MELTF: variants seen among roughly 807,000 people sequenced by gnomAD.
MELTF encodes the protein melanotransferrin.
A neutral mutation model predicts 83.7 loss-of-function variants in MELTF; 67 were observed. The observed-to-expected ratio is 0.80, with a 90% CI of 0.66 to 0.98. The LOEUF (loss-of-function observed/expected upper bound fraction) is 0.98, where lower values mean the gene tolerates loss of function less well. Ranked by LOEUF, MELTF falls within the 50% of genes least tolerant of loss-of-function variation. The pLI is 0.00. For missense variants in MELTF, 1,002 were observed against 1,035.6 expected, an observed-to-expected ratio of 0.97 and a Z score of 0.44; for synonymous variants, 462 against 447.6, an observed-to-expected ratio of 1.03 and a Z score of -0.41.
intron 6 of MELTF, 139 bp downstream of exon 6, chr3:197,021,265 C>T: frequency 1.4e-6 from 1 of 729,030 alleles, no homozygotes; most frequent in Non-Finnish European, 2.2e-6. Context: ...GACTGTGGGA[C>T]TTGTCCAAGG....
chr3:197,024,222 C>T lies in MELTF; in HGVS notation c.487+81G>A, dbSNP rs1719753339. 3 of 1,422,410 alleles carry T rather than the reference C, an allele frequency of 2.1e-6. No individual in the cohort carries two copies. Among genetic ancestry groups the T allele is most frequent in the Non-Finnish European group, 2.9e-6 (3 of 1,051,172 alleles). The allele number at this position is 1,422,410 out of a possible 1,614,324, so 88.1% of individuals were successfully genotyped here. A position where few individuals can be genotyped will look rare whatever the true frequency, so the allele number is the denominator to read the frequency against. On this transcript the variant is annotated intron_variant, in intron 4 of 15. Transcript: ENST00000296350. The surrounding 1 kb of genome is among the most constrained non-coding windows in gnomAD (Gnocchi z 5.3). ...GAATGGTGGCGAGGCCGGAGGGAGGCTACCCAGTGAAGGGACGAGCATGGG... is the reference window on the plus strand; with the variant it reads ...GAATGGTGGCGAGGCCGGAGGGAGGTTACCCAGTGAAGGGACGAGCATGGG...
At chr3:197,010,956 T>G (rs1011514577) in intron 9 of MELTF, among the ~76,000 whole-genome samples, 162 bp from the exon 10 acceptor site, 6 of 152,136 alleles carry the variant, frequency 3.9e-5, no homozygotes, top group Non-Finnish European at 8.8e-5. Flanking sequence ...TGGCAGTCTG[T>G]CCCTTCCTCT....
At position 197,003,274 on chromosome 3, in the gene MELTF, G is replaced by GGGCCC. The variant is rs1718823655; in HGVS notation, c.*93_*97dup. On this transcript the variant is annotated 3_prime_UTR_variant, in exon 16 of 16. Coordinates refer to ENST00000296350, the MANE Select transcript of MELTF (RefSeq NM_005929.6). This position sits in a 1 kb window ranked among gnomAD's most constrained non-coding sequence, Gnocchi z 6.2. ...GGAGGCGCCTGCTCCCGCCCACGCC[G>GGGCCC]GGCCCGGCCTTCGCGAGCTTCCTTC... The GGGCCC allele has an allele frequency of 1.0e-6, 1 of 1,004,330 alleles. No individual in the cohort carries two copies. The allele number at this position is 1,004,330 out of a possible 1,614,324, so 62.2% of individuals were successfully genotyped here.
rs1560223951 is a variant in MELTF, at chr3:197,024,603, C to CACAT, written c.305-119_305-118insATGT. 6 of 782,458 alleles carry CACAT rather than the reference C, an allele frequency of 7.7e-6. No individual in the cohort carries two copies. The highest frequency in any genetic ancestry group is 1.2e-5 in the Non-Finnish European group (6 of 515,022). 48.5% of individuals were successfully genotyped at this position (782,458 alleles called of 1,614,324 possible). Reference sequence around the variant, plus strand: ...TGTGCACGGAGCACGGCTGTACACACGGATGTGTGCATAGCGTTCTCGTTA... The same window carrying CACAT: ...TGTGCACGGAGCACGGCTGTACACACACATGGATGTGTGCATAGCGTTCTCGTTA... On this transcript the variant is annotated intron_variant, in intron 3 of 15. Coordinates refer to ENST00000296350, the MANE Select transcript of MELTF (RefSeq NM_005929.6). This position sits in a 1 kb window ranked among gnomAD's most constrained non-coding sequence, Gnocchi z 5.3.
intron 11 of MELTF, 38 bp from the exon 12 acceptor site, chr3:197,009,003 G>A: frequency 3.1e-6 from 5 of 1,610,910 alleles, no homozygotes; most frequent in Non-Finnish European, 4.2e-6. Context: ...GGGGCCAGCA[G>A]TGGAAAGTGT....
intron 9 of MELTF, 22 bp downstream of exon 9, chr3:197,015,343 G>C: frequency 7.1e-6 from 11 of 1,542,202 alleles, no homozygotes; most frequent in Non-Finnish European, 8.8e-6. Flanking sequence ...CCTGGCCCAC[G>C]CTGCACCTGC....
At chr3:197,016,476 C>T (rs375253911) in intron 7 of MELTF, 107 bp from the exon 8 acceptor site, 1 of 1,072,228 alleles carries the variant, frequency 9.3e-7, no homozygotes. Context: ...AGACCAGGCA[C>T]CCACCCTGAG....
chr3:197,023,171 C>G, intron 4 of MELTF, 58 bp from the exon 5 acceptor site: 1 of 1,575,796 alleles, frequency 6.3e-7, no homozygotes, highest in South Asian at 1.1e-5. Context: ...CCAAGCCAAG[C>G]CCCCAGGGTC....
At chr3:197,018,744 C>T (rs564301099) in intron 6 of MELTF, among the ~76,000 whole-genome samples, 20 of 152,338 alleles carry the variant, frequency 1.3e-4, no homozygotes, top group African/African-American at 4.6e-4. Context: ...CGTGCCCAGC[C>T]TCCTTTTGAC....
In MELTF at chr3:197,027,008, T is replaced by C. The variant is rs145836701; in HGVS notation, c.205-249A>G. 4,087 of 502,302 alleles carry C rather than the reference T, an allele frequency of 8.1e-3. 33 individuals carry two copies. The highest frequency in any genetic ancestry group is 0.012 in the Non-Finnish European group (3,325 of 277,098). 31.1% of individuals were successfully genotyped at this position (502,302 alleles called of 1,614,324 possible). A position where few individuals can be genotyped will look rare whatever the true frequency, so the allele number is the denominator to read the frequency against. ...TTGATTTTGCAGGACTCAGATATCA[T>C]AGTAAAAAAATCAGATAGCAGAAAA... On this transcript the variant is annotated intron_variant, in intron 2 of 15. Coordinates refer to ENST00000296350, the MANE Select transcript of MELTF (RefSeq NM_005929.6).
rs571253094 is a variant in MELTF, at chr3:197,024,555, C to T, written c.305-70G>A. ...GAGAGAGGCTGCACCAGCACCCTGC[C>T]TGGGCGGGCTGTGGGAGAGGTGTGT... On this transcript the variant is annotated intron_variant, in intron 3 of 15. Coordinates refer to ENST00000296350, the MANE Select transcript of MELTF (RefSeq NM_005929.6). The surrounding 1 kb of genome is among the most constrained non-coding windows in gnomAD (Gnocchi z 5.3). 1.5e-5 allele frequency: 21 copies of T among 1,411,024 alleles called. No homozygotes were observed. In the African/African-American group the frequency reaches 2.7e-4, roughly 18 times the overall value. The allele number at this position is 1,411,024 out of a possible 1,614,324, so 87.4% of individuals were successfully genotyped here.
chr3:197,022,363 TTCTC>T lies in MELTF; in HGVS notation c.644+590_644+593del, dbSNP rs1719657653. On this transcript the variant is annotated intron_variant, in intron 5 of 15. Transcript: ENST00000296350. This position sits in a 1 kb window ranked among gnomAD's most constrained non-coding sequence, Gnocchi z 5.1. ...GCTCAGGGGTGCTGAGGACTGTTTC[TTCTC>T]TCTAAGCCGAAAACCGCATCCAGTC... is the stretch of plus-strand genomic sequence containing the variant. 6.6e-6 allele frequency among the ~76,000 whole-genome samples: 1 copy of T among 152,138 alleles called. No homozygotes were observed. The highest frequency in any genetic ancestry group is 6.6e-5 in the Admixed American group (1 of 15,266).
intron 3 of MELTF, 50 bp downstream of exon 3, chr3:197,026,610 G>C: frequency 6.4e-7 from 1 of 1,551,052 alleles, no homozygotes. Flanking sequence ...AGCCTGGAGA[G>C]CTGACTTCCA....
Position 197,006,356 on chromosome 3 carries a change from G to C in MELTF, c.1938+193C>G, listed in dbSNP as rs1718975514. 6.6e-6 allele frequency among the ~76,000 whole-genome samples: 1 copy of C among 152,226 alleles called. No homozygotes were observed. The highest frequency in any genetic ancestry group is 2.4e-5 in the African/African-American group (1 of 41,448). ...TTGGTGAAAATGGTCCGACTGAGAA[G>C]GGAAAATCAACGATGCAGGAGGCAG... On this transcript the variant is annotated intron_variant, in intron 14 of 15. Coordinates refer to ENST00000296350, the MANE Select transcript of MELTF (RefSeq NM_005929.6). The surrounding 1 kb of genome is among the most constrained non-coding windows in gnomAD (Gnocchi z 5.4).
rs752272178 is a variant in MELTF at position 197,026,697 on chromosome 3, G to A, written c.267C>T (p.His89=). 14 of 1,613,378 alleles carry A rather than the reference G, an allele frequency of 8.7e-6. No homozygotes were observed. Among genetic ancestry groups the A allele is most frequent in the Admixed American group, 3.3e-5 (2 of 60,008 alleles). ...GGAIYEAGKE[H]GLKPVVGEVY... ...CTTCGCCCACCACCGGCTTCAGGCCGTGCTCCTTTCCCGCCTCATAGATGG... is the reference window on the plus strand; with the variant it reads ...CTTCGCCCACCACCGGCTTCAGGCCATGCTCCTTTCCCGCCTCATAGATGG... The change falls in exon 3 of 16, where the codon CAC becomes CAT. Residue 89 remains histidine, a synonymous_variant. Transcript: ENST00000296350.
Position 197,026,749 on chromosome 3 carries a change from G to A in MELTF, c.215C>T (p.Ala72Val). 6.2e-7 allele frequency: 1 copy of A among 1,612,108 alleles called. No homozygotes were observed. Among genetic ancestry groups the A allele is most frequent in the Non-Finnish European group, 8.5e-7 (1 of 1,179,946 alleles). Reference protein sequence around the residue: ...HCVQLIAAQEADAITLDGGAI... With the variant: ...HCVQLIAAQEVDAITLDGGAI... ...TCCTCCATCCAGAGTGATGGCGTCA[G>A]CCTCCTGGGCCTGCAAGGAAATGTG... Residue 72 changes from alanine (A) to valine (V), a missense_variant, in exon 3 of 16, where the codon GCT (alanine) becomes GTT (valine). Transcript: ENST00000296350.
rs1332194573 is a variant in MELTF at position 197,022,346 on chromosome 3, G to A, written c.644+611C>T. ...AGGGGCAAGGCTGTCCCGCTCAGGGGTGCTGAGGACTGTTTCTTCTCTCTA... is the reference window on the plus strand; with the variant it reads ...AGGGGCAAGGCTGTCCCGCTCAGGGATGCTGAGGACTGTTTCTTCTCTCTA... On this transcript the variant is annotated intron_variant, in intron 5 of 15. Transcript: ENST00000296350. The surrounding 1 kb of genome is among the most constrained non-coding windows in gnomAD (Gnocchi z 5.1). Among the ~76,000 whole-genome samples, 1 of 152,204 alleles carries A rather than the reference G, an allele frequency of 6.6e-6. No homozygotes were observed. Among genetic ancestry groups the A allele is most frequent in the Non-Finnish European group, 1.5e-5 (1 of 68,036 alleles).
chr3:197,026,615 C>G (rs750231227), intron 3 of MELTF, 45 bp downstream of exon 3: 2 of 1,569,448 alleles, frequency 1.3e-6, no homozygotes, highest in African/African-American at 1.3e-5. Flanking sequence ...GGAGAGCTGA[C>G]TTCCAGCGCA....
In MELTF at chr3:197,008,605, T is replaced by C; in HGVS notation, c.1750+52A>G. On this transcript the variant is annotated intron_variant, in intron 13 of 15. Coordinates refer to ENST00000296350, the MANE Select transcript of MELTF (RefSeq NM_005929.6). The surrounding 1 kb of genome is among the most constrained non-coding windows in gnomAD (Gnocchi z 5.4). ...CATGGTGTCTGGATGGTGCTGAAGA[T>C]GGGGAACAGTCCCCCCGACCTACCT... 1 of 1,570,172 alleles carries C rather than the reference T, an allele frequency of 6.4e-7. No individual in the cohort carries two copies. The highest frequency in any genetic ancestry group is 8.7e-7 in the Non-Finnish European group (1 of 1,149,488).
Sources: allele counts gnomAD v4.1 joint callset (sites outside exome capture counted in the v4.1 genomes callset), GRCh38; gene constraint gnomAD v4.1.1; non-coding constraint Gnocchi (gnomAD v3.1); transcripts MANE v1.5; gene names NCBI Gene and HGNC (gene_info 2026-07-23, HGNC 2026-07-21).